The following ZBBX variants were observed in gnomAD, a reference collection of about 807,000 sequenced individuals.
ZBBX encodes the protein zinc finger B-box domain containing, also known as zinc finger B-box domain-containing protein 1.
ZBBX carries 101 observed loss-of-function variants against 108.5 expected under a neutral mutation model. The ratio of observed to expected loss-of-function variants is 0.93; its 90% CI spans 0.79 to 1.10. The LOEUF (loss-of-function observed/expected upper bound fraction) is 1.10. ZBBX is among the 50% of genes least tolerant of loss of function. The pLI is 0.00. For missense variants in ZBBX, 1,009 were observed against 941.4 expected (o/e 1.07, Z -0.94); for synonymous variants, 356 against 323.4 (o/e 1.10, Z -1.08).
chr3:167,394,405 A>G (rs1413765308), intron 1 of ZBBX, among the ~76,000 whole-genome samples: 2 of 152,020 alleles, frequency 1.3e-5, no homozygotes, highest in Admixed American at 6.6e-5. Context: ...TAGAAGCCAC[A>G]TGCATATGGA....
At chr3:167,295,438 G>C (rs1731470042) in intron 18 of ZBBX, among the ~76,000 whole-genome samples, 1 of 151,620 alleles carries the variant, frequency 6.6e-6, no homozygotes, top group African/African-American at 2.4e-5. Context: ...ACTATCACAA[G>C]AACAGAAAAC....
At chr3:167,216,604 C>A in the ZBBX span, among the ~76,000 whole-genome samples, 2 of 151,920 alleles carry the variant, frequency 1.3e-5, no homozygotes, top group African/African-American at 4.8e-5. Context: ...ATATTCTTCA[C>A]AGAACTAGAA....
At chr3:167,269,196 C>T (rs1726108643) in intron 20 of ZBBX, among the ~76,000 whole-genome samples, 1 of 152,202 alleles carries the variant, frequency 6.6e-6, no homozygotes, top group Admixed American at 6.5e-5. Context: ...CAATCATGAG[C>T]TTATCACCTT....
intron 20 of ZBBX, among the ~76,000 whole-genome samples, chr3:167,260,698 C>T (rs977747269): frequency 6.6e-6 from 1 of 152,174 alleles, no homozygotes; most frequent in Non-Finnish European, 1.5e-5. Flanking sequence ...TGTCTTTAAG[C>T]TATCTACCTC....
Position 167,317,502 on chromosome 3 carries a change from T to C in ZBBX, c.1079A>G (p.Asp360Gly), listed in dbSNP as rs374904496. The C allele has an allele frequency of 8.1e-6, 13 of 1,608,050 alleles. No homozygotes were observed. The highest frequency in any genetic ancestry group is 3.4e-5 in the Admixed American group (2 of 59,092). Residue 360 changes from aspartate to glycine, a missense_variant, in exon 13 of 22, where the codon GAT becomes GGT. Physicochemically the swap from Asp to Gly is moderately conservative, Grantham distance 94. Transcript: ENST00000675490. The part of the protein sequence containing the change: ...GDAQCSQNEN[D>G]EDSDGEETKV... Reference sequence around the variant, plus strand: ...TATGAACTAACCATCACTATCTTCATCGTTTTCATTTTGAGAACACTGTGC... The same window carrying C: ...TATGAACTAACCATCACTATCTTCACCGTTTTCATTTTGAGAACACTGTGC...
chr3:167,333,836 G>A lies in ZBBX; in HGVS notation c.678C>T (p.Ser226=). The change falls in exon 10 of 22, where the codon AGC becomes AGT. Residue 226 remains serine (S), a synonymous_variant. Coordinates refer to ENST00000675490, the MANE Select transcript of ZBBX (RefSeq NM_001199201.2). ...HKPKSVLLQR[S]SSEVEITTMK... is the part of the protein sequence containing the mutation. Reference sequence around the variant, plus strand: ...ATTTTCCTCAGTTTACCTCAGAGCTGCTCCTCTGGAGAAGTACAGATTTGG... The same window carrying A: ...ATTTTCCTCAGTTTACCTCAGAGCTACTCCTCTGGAGAAGTACAGATTTGG... The A allele has an allele frequency of 6.2e-7, 1 of 1,603,964 alleles. No homozygotes were observed. Among genetic ancestry groups the A allele is most frequent in the Non-Finnish European group, 8.5e-7 (1 of 1,176,616 alleles).
chr3:167,339,609 A>G (rs1035925859), intron 9 of ZBBX, among the ~76,000 whole-genome samples: 3 of 152,082 alleles, frequency 2.0e-5, no homozygotes, highest in Non-Finnish European at 2.9e-5. Flanking sequence ...ATCTTCCCTC[A>G]AGCCCTGTTA....
At chr3:167,231,465 A>C in the ZBBX span, among the ~76,000 whole-genome samples, 35 of 151,794 alleles carry the variant, frequency 2.3e-4, no homozygotes, top group Non-Finnish European at 3.8e-4. Flanking sequence ...CCTCTGAGAA[A>C]TATGAAGGTA....
At chr3:167,334,853 A>G (rs892364727) in intron 9 of ZBBX, among the ~76,000 whole-genome samples, 1 of 152,154 alleles carries the variant, frequency 6.6e-6, no homozygotes, top group African/African-American at 2.4e-5. Context: ...AGCCTTCACT[A>G]TCCAAAGGGG....
chr3:167,325,307 ATCAT>A lies in ZBBX; in HGVS notation c.862+2631_862+2634del, dbSNP rs1397797541. ...TCCACATGGCTGGGGAGGCCTCATAATCATGACAGAAGACAAAGGAAGAGCAAAG... is the reference window on the plus strand; with the variant it reads ...TCCACATGGCTGGGGAGGCCTCATAAGACAGAAGACAAAGGAAGAGCAAAG... On this transcript the variant is annotated intron_variant, in intron 11 of 21. Coordinates refer to ENST00000675490, the MANE Select transcript of ZBBX (RefSeq NM_001199201.2). 1.7e-4 allele frequency among the ~76,000 whole-genome samples: 26 copies of A among 152,266 alleles called. No homozygotes were observed. The East Asian group carries it at 5.0e-3, about 29-fold the overall frequency.
At chr3:167,391,045 G>A (rs973980753) in intron 1 of ZBBX, among the ~76,000 whole-genome samples, 1 of 152,144 alleles carries the variant, frequency 6.6e-6, no homozygotes, top group African/African-American at 2.4e-5. Flanking sequence ...GTGAGAGAGG[G>A]CATCCTTGTC....
chr3:167,296,421 TAGAA>T (rs1366155874), intron 18 of ZBBX, among the ~76,000 whole-genome samples: 1 of 151,960 alleles, frequency 6.6e-6, no homozygotes, highest in Non-Finnish European at 1.5e-5. Context: ...ACATTTGAAT[TAGAA>T]AGGAAGAAGT....
chr3:167,305,619 A>G, intron 17 of ZBBX, 24 bp downstream of exon 17: 1 of 1,441,078 alleles, frequency 6.9e-7, no homozygotes, highest in Non-Finnish European at 9.2e-7. Flanking sequence ...AAATTTTAAT[A>G]TAATAAACAT....
At chr3:167,313,598 T>C (rs1206721367) in intron 16 of ZBBX, among the ~76,000 whole-genome samples, 1 of 152,106 alleles carries the variant, frequency 6.6e-6, no homozygotes, top group Non-Finnish European at 1.5e-5. Flanking sequence ...TTGTTTTATT[T>C]TGGTTCATCT....
chr3:167,183,825 T>A, the ZBBX span, among the ~76,000 whole-genome samples: 2 of 152,196 alleles, frequency 1.3e-5, no homozygotes, highest in Non-Finnish European at 2.9e-5. Context: ...ATCATGAGCA[T>A]GTCACAGTGC....
At chr3:167,260,967 A>AGG (rs1156967554) in intron 20 of ZBBX, among the ~76,000 whole-genome samples, 1 of 152,160 alleles carries the variant, frequency 6.6e-6, no homozygotes, top group Non-Finnish European at 1.5e-5. Flanking sequence ...GCTCTGTCAG[A>AGG]GGGAAGGTCT....
chr3:167,387,397 C>T (rs1747950813), intron 1 of ZBBX, among the ~76,000 whole-genome samples: 1 of 152,020 alleles, frequency 6.6e-6, no homozygotes, highest in Non-Finnish European at 1.5e-5. Context: ...ACAAAGACTT[C>T]TTAGCATAAT....
intron 8 of ZBBX, among the ~76,000 whole-genome samples, chr3:167,357,781 G>A (rs1743827560): frequency 6.6e-6 from 1 of 151,962 alleles, no homozygotes; most frequent in African/African-American, 2.4e-5. Context: ...CAACCCAAAT[G>A]TCCAACAATG....
intron 1 of ZBBX, among the ~76,000 whole-genome samples, chr3:167,406,064 A>G (rs1233804038): frequency 6.6e-6 from 1 of 150,400 alleles, no homozygotes; most frequent in Non-Finnish European, 1.5e-5. Context: ...GACTCAGTCT[A>G]AAAAAAAAAT....
Sources: gnomAD v4.1 joint callset for allele counts (sites outside exome capture counted in the v4.1 genomes callset) on GRCh38, gnomAD v4.1.1 for gene constraint, MANE v1.5 for transcripts, NCBI Gene and HGNC (gene_info 2026-07-23, HGNC 2026-07-21) for gene names.